Variants in VEGFC observed in about 807,000 individuals in gnomAD.
VEGFC encodes the protein vascular endothelial growth factor C.
A neutral mutation model predicts 46.1 loss-of-function variants in VEGFC; 12 were observed. The ratio of observed to expected loss-of-function variants is 0.26; its 90% confidence interval spans 0.17 to 0.42. The LOEUF (loss-of-function observed/expected upper bound fraction) is 0.42. Among genes scored for constraint, VEGFC ranks in the 10% least tolerant of loss-of-function variants. The pLI, the probability that VEGFC is intolerant of heterozygous loss-of-function variation, is 1.00. For synonymous variants in VEGFC, 232 were observed against 195.5 expected, an observed-to-expected ratio of 1.19 and a Z score of -1.56; for missense variants, 488 against 529.4, an observed-to-expected ratio of 0.92 and a Z score of 0.77.
At chr4:176,708,358 TAAAC>T (rs1560941254) in intron 4 of VEGFC, among the ~76,000 whole-genome samples, 1 of 152,058 alleles carries the variant, frequency 6.6e-6, no homozygotes, top group African/African-American at 2.4e-5. Flanking sequence ...AATGTTAACT[TAAAC>T]ATTTTATTTG....
rs1734927940 is a variant in VEGFC at position 176,729,617 on chromosome 4, T to C, written c.277A>G (p.Asn93Asp). Residue 93 changes from asparagine to aspartate, a missense_variant, in exon 2 of 7, where the codon AAC becomes GAC. By Grantham distance (23) the Asn-to-Asp change is conservative. Coordinates refer to ENST00000618562, the MANE Select transcript of VEGFC (RefSeq NM_005429.5). ...GAGTTGAGGTTGGCCTGTTCTCTGTTATGTTGCCAGCCTCCTTTCCTTAGC... is the reference window on the plus strand; with the variant it reads ...GAGTTGAGGTTGGCCTGTTCTCTGTCATGTTGCCAGCCTCCTTTCCTTAGC... ...CQLRKGGWQH[N>D]REQANLNSRT... is the part of the protein sequence containing the mutation. The C allele has an allele frequency of 1.9e-6, 3 of 1,613,758 alleles. No individual in the cohort carries two copies. The African/African-American group carries it at 4.0e-5, about 22-fold the overall frequency.
chr4:176,746,312 C>A (rs1735256950), intron 1 of VEGFC, among the ~76,000 whole-genome samples: 1 of 151,942 alleles, frequency 6.6e-6, no homozygotes, highest in East Asian at 1.9e-4. Context: ...TATGAGAATT[C>A]TAAACTTATT....
At chr4:176,785,251 T>C (rs11131757) in intron 1 of VEGFC, among the ~76,000 whole-genome samples, 107,682 of 152,106 alleles carry the variant, frequency 0.71, 44,108 homozygotes, top group East Asian at 0.99. Flanking sequence ...AATAGAAACC[T>C]TTCAACTATA....
At chr4:176,729,295 A>C (rs949159639) in intron 2 of VEGFC, among the ~76,000 whole-genome samples, 1 of 152,224 alleles carries the variant, frequency 6.6e-6, no homozygotes, top group African/African-American at 2.4e-5. Context: ...TATCACCTGA[A>C]AAAATAAATG....
chr4:176,685,480 T>C (rs756183036), intron 6 of VEGFC, among the ~76,000 whole-genome samples: 1 of 152,080 alleles, frequency 6.6e-6, no homozygotes, highest in Non-Finnish European at 1.5e-5. Context: ...CTAGGATGAG[T>C]TGCAGTAAAC....
At chr4:176,721,027 G>A (rs758285625) in intron 3 of VEGFC, among the ~76,000 whole-genome samples, 4 of 152,016 alleles carry the variant, frequency 2.6e-5, no homozygotes, top group Admixed American at 6.5e-5. Context: ...ATCGAGATAC[G>A]GGATCATGTG....
chr4:176,740,301 G>C (rs1238858737), intron 1 of VEGFC, among the ~76,000 whole-genome samples: 9 of 114,318 alleles, frequency 7.9e-5, no homozygotes, highest in African/African-American at 2.9e-4. Flanking sequence ...TATCTATATA[G>C]AGTATATATA....
intron 1 of VEGFC, among the ~76,000 whole-genome samples, chr4:176,778,079 A>C (rs905339526): frequency 1.3e-5 from 2 of 152,188 alleles, no homozygotes; most frequent in Admixed American, 1.3e-4. Flanking sequence ...TTTCAAATAC[A>C]ACAACTTGGT....
chr4:176,688,183 G>A (rs971430978), intron 4 of VEGFC, among the ~76,000 whole-genome samples: 2 of 152,060 alleles, frequency 1.3e-5, no homozygotes, highest in African/African-American at 4.8e-5. Flanking sequence ...CAAACACATT[G>A]GTTTGTATAA....
chr4:176,694,763 A>G (rs1363080778), intron 4 of VEGFC, among the ~76,000 whole-genome samples: 4 of 142,388 alleles, frequency 2.8e-5, no homozygotes, highest in East Asian at 2.0e-4. Context: ...AAAGAACAGA[A>G]ATTATAACAA....
chr4:176,787,440 G>C (rs1006004368), intron 1 of VEGFC, among the ~76,000 whole-genome samples: 1 of 125,786 alleles, frequency 8.0e-6, no homozygotes, highest in Non-Finnish European at 1.6e-5. Context: ...CTGGGCAATA[G>C]AGCATGACCC....
intron 1 of VEGFC, among the ~76,000 whole-genome samples, chr4:176,740,386 A>AT (rs1735147163): frequency 2.4e-5 from 3 of 123,400 alleles, no homozygotes; most frequent in African/African-American, 9.6e-5. Flanking sequence ...AGTTATATAT[A>AT]ACTATATATT....
At chr4:176,774,509 T>C (rs1735780361) in intron 1 of VEGFC, among the ~76,000 whole-genome samples, 1 of 152,188 alleles carries the variant, frequency 6.6e-6, no homozygotes, top group Non-Finnish European at 1.5e-5. Flanking sequence ...TTTATTTTTG[T>C]GGCAAACAAC....
chr4:176,730,479 T>C (rs1297241278), intron 1 of VEGFC, among the ~76,000 whole-genome samples: 3 of 152,154 alleles, frequency 2.0e-5, no homozygotes, highest in Non-Finnish European at 4.4e-5. Flanking sequence ...AATTATGCTT[T>C]AGAATTAGGA....
Position 176,729,702 on chromosome 4 carries a change from G to C in VEGFC, c.192C>G (p.Ser64=). Residue 64 remains serine, a synonymous_variant, in exon 2 of 7, where the codon TCC becomes TCG. Coordinates refer to ENST00000618562, the MANE Select transcript of VEGFC (RefSeq NM_005429.5). ...KDLEEQLRSV[S]SVDELMTVLY... is the part of the protein sequence containing the mutation. ...GTACAGTCATGAGTTCATCTACACT[G>C]GACACAGACCGTAACTGCTCCTCCA... 1 of 1,611,240 alleles carries C rather than the reference G, an allele frequency of 6.2e-7. No individual in the cohort carries two copies. The highest frequency in any genetic ancestry group is 8.5e-7 in the Non-Finnish European group (1 of 1,178,684).
intron 1 of VEGFC, among the ~76,000 whole-genome samples, chr4:176,761,059 G>T (rs1445616603): frequency 1.3e-5 from 2 of 152,158 alleles, no homozygotes; most frequent in African/African-American, 4.8e-5. Context: ...AAAACGTTCT[G>T]TATTTTCTTG....
At chr4:176,732,329 C>G (rs963836213) in intron 1 of VEGFC, among the ~76,000 whole-genome samples, 1 of 151,888 alleles carries the variant, frequency 6.6e-6, no homozygotes, top group African/African-American at 2.4e-5. Context: ...AAGAGACCCC[C>G]AGACTAAAGT....
At chr4:176,788,531 A>G (rs1485469968) in intron 1 of VEGFC, among the ~76,000 whole-genome samples, 2 of 152,228 alleles carry the variant, frequency 1.3e-5, no homozygotes, top group Non-Finnish European at 1.5e-5. Context: ...CGATGGGGCT[A>G]CATCCTGACA....
chr4:176,738,970 C>T (rs1342669089), intron 1 of VEGFC, among the ~76,000 whole-genome samples: 1 of 150,990 alleles, frequency 6.6e-6, no homozygotes, highest in East Asian at 2.0e-4. Context: ...GGGTATATAC[C>T]CAGTAATGGG....
Sources: allele counts gnomAD v4.1 joint callset (sites outside exome capture counted in the v4.1 genomes callset), GRCh38; gene constraint gnomAD v4.1.1; transcripts MANE v1.5; gene names NCBI Gene and HGNC (gene_info 2026-07-23, HGNC 2026-07-21).